The following CEP128 variants were observed in gnomAD, a reference collection of about 807,000 sequenced individuals.
The protein encoded by CEP128 is centrosomal protein 128kDa.
CEP128 carries 132 observed loss-of-function variants against 156.7 expected under a neutral mutation model. That is an observed-to-expected ratio of 0.84 (90% CI 0.73 to 0.97). The LOEUF (loss-of-function observed/expected upper bound fraction) is 0.97, where lower values mean the gene tolerates loss of function less well. Among genes scored for constraint, CEP128 ranks in the 50% least tolerant of loss-of-function variants. The pLI, the probability that CEP128 is intolerant of heterozygous loss-of-function variation, is 0.00. For missense variants in CEP128, 1,252 were observed against 1,281.9 expected (o/e 0.98, Z 0.36); for synonymous variants, 469 against 448.9 (o/e 1.04, Z -0.57).
chr14:80,679,494 C>T (rs1004838628), intron 19 of CEP128, among the ~76,000 whole-genome samples: 1 of 151,990 alleles, frequency 6.6e-6, no homozygotes, highest in African/African-American at 2.4e-5. Context: ...CCTGGTCTCC[C>T]ACAGTACCCT....
At chr14:80,660,219 T>C (rs1566840247) in intron 19 of CEP128, among the ~76,000 whole-genome samples, 1 of 152,210 alleles carries the variant, frequency 6.6e-6, no homozygotes, top group Non-Finnish European at 1.5e-5. Flanking sequence ...TGAAAAGATT[T>C]AAATAACAGG....
intron 19 of CEP128, among the ~76,000 whole-genome samples, chr14:80,677,508 CAAAAAAA>C: frequency 1.1e-5 from 1 of 94,064 alleles, no homozygotes; most frequent in South Asian, 3.7e-4. Context: ...GACTCCGTCT[CAAAAAAA>C]AAAAAAAAAA....
intron 2 of CEP128, among the ~76,000 whole-genome samples, chr14:80,924,733 G>T (rs987897595): frequency 5.9e-5 from 9 of 151,520 alleles, no homozygotes; most frequent in Admixed American, 1.3e-4. Flanking sequence ...GTTTCATGGG[G>T]GTTTTTTTTA....
rs572351162 is a variant in CEP128 at position 80,679,534 on chromosome 14, C to T, written c.2806+63541G>A. 7.9e-5 allele frequency among the ~76,000 whole-genome samples: 12 copies of T among 152,286 alleles called. 1 individual carries two copies. The South Asian group carries it at 2.5e-3, about 32-fold the overall frequency. ...CTTACTAGGGTGGGGAAAAATCCCA[C>T]CCTGGAGAATTTGAGGTCAGACTGG... On this transcript the variant is annotated intron_variant, in intron 19 of 24. Coordinates refer to ENST00000555265, the MANE Select transcript of CEP128 (RefSeq NM_152446.5).
intron 18 of CEP128, among the ~76,000 whole-genome samples, chr14:80,749,896 C>G (rs1015538619): frequency 3.3e-5 from 5 of 151,984 alleles, no homozygotes; most frequent in Non-Finnish European, 7.4e-5. Flanking sequence ...ACAAATTAAA[C>G]AACTTTGGCA....
chr14:80,875,099 G>C (rs2556601), intron 8 of CEP128, among the ~76,000 whole-genome samples: 103,267 of 152,038 alleles, frequency 0.68, 36,052 homozygotes, highest in African/African-American at 0.84. Flanking sequence ...AAAGTTTTTA[G>C]CAGATTCTTA....
At chr14:80,780,454 C>T (rs1901045734) in intron 15 of CEP128, among the ~76,000 whole-genome samples, 1 of 152,078 alleles carries the variant, frequency 6.6e-6, no homozygotes, top group Non-Finnish European at 1.5e-5. Context: ...CAATCTCTGG[C>T]CATTCTTCCA....
At chr14:80,771,613 T>C (rs1178667211) in intron 16 of CEP128, among the ~76,000 whole-genome samples, 1 of 152,208 alleles carries the variant, frequency 6.6e-6, no homozygotes, top group Non-Finnish European at 1.5e-5. Flanking sequence ...CCTGATCTAT[T>C]CAACACAAGT....
chr14:80,797,482 T>C (rs185918494), intron 13 of CEP128, among the ~76,000 whole-genome samples: 11 of 152,318 alleles, frequency 7.2e-5, no homozygotes, highest in African/African-American at 2.4e-4. Flanking sequence ...GTCTGGAAAC[T>C]ATCAGTAGCT....
intron 21 of CEP128, among the ~76,000 whole-genome samples, chr14:80,547,797 A>ATT (rs369896159): frequency 1.3e-4 from 19 of 141,188 alleles, no homozygotes; most frequent in South Asian, 9.0e-4. Context: ...AGGGAGAGGA[A>ATT]TTTTTTTTTT....
At chr14:80,758,035 G>C (rs1211206424) in intron 17 of CEP128, among the ~76,000 whole-genome samples, 2 of 152,024 alleles carry the variant, frequency 1.3e-5, no homozygotes, top group African/African-American at 2.4e-5. Flanking sequence ...ACATCCATTT[G>C]TCATTGATTA....
chr14:80,756,776 A>G, intron 18 of CEP128, 116 bp downstream of exon 18: 7 of 671,450 alleles, frequency 1.0e-5, no homozygotes, highest in Non-Finnish European at 1.8e-5. Flanking sequence ...TTCCCCTGCA[A>G]TTAAGCATTA....
intron 9 of CEP128, among the ~76,000 whole-genome samples, chr14:80,858,419 G>C (rs112036449): frequency 1.7e-5 from 2 of 121,136 alleles, no homozygotes; most frequent in African/African-American, 6.5e-5. Flanking sequence ...AGACTTAAAC[G>C]TTAGACCTAA....
At position 80,529,157 on chromosome 14, in the gene CEP128, G is replaced by A. The variant is rs928509060; in HGVS notation, c.2958+1652C>T. Reference sequence around the variant, plus strand: ...GGTGAAAATAACACCCATCTATAGAGTATCTCTGAAGATTAGGAAACATGT... The same window carrying A: ...GGTGAAAATAACACCCATCTATAGAATATCTCTGAAGATTAGGAAACATGT... On this transcript the variant is annotated intron_variant, in intron 22 of 24. Coordinates refer to ENST00000555265, the MANE Select transcript of CEP128 (RefSeq NM_152446.5). Among the ~76,000 whole-genome samples the A allele has an allele frequency of 4.2e-4, 64 of 152,178 alleles. 1 individual carries two copies. The highest frequency in any genetic ancestry group is 7.3e-5 in the Non-Finnish European group (5 of 68,028).
chr14:80,772,481 T>C (rs1180925284), intron 16 of CEP128, among the ~76,000 whole-genome samples: 4 of 152,142 alleles, frequency 2.6e-5, no homozygotes, highest in African/African-American at 9.7e-5. Flanking sequence ...AATAAAACCG[T>C]GCATTCATCC....
At chr14:80,909,142 C>A (rs927354808) in intron 4 of CEP128, among the ~76,000 whole-genome samples, 2 of 152,044 alleles carry the variant, frequency 1.3e-5, no homozygotes, top group African/African-American at 4.8e-5. Context: ...AAGTTTTTTG[C>A]CAGATTCTGA....
In CEP128 at chr14:80,769,582, G is replaced by A. The variant is rs188118252; in HGVS notation, c.2377-7969C>T. Among the ~76,000 whole-genome samples, 903 of 152,216 alleles carry A rather than the reference G, an allele frequency of 5.9e-3. 9 individuals are homozygous for A. Among genetic ancestry groups the A allele is most frequent in the African/African-American group, 0.02 (837 of 41,526 alleles). Reference sequence around the variant, plus strand: ...TCATCCATGTCCCTACAAAGGACATGAACTCATCCTTTTTTACGGCTGCAT... The same window carrying A: ...TCATCCATGTCCCTACAAAGGACATAAACTCATCCTTTTTTACGGCTGCAT... On this transcript the variant is annotated intron_variant, in intron 16 of 24. Coordinates refer to ENST00000555265, the MANE Select transcript of CEP128 (RefSeq NM_152446.5).
At chr14:80,846,469 T>A (rs1033139748) in intron 9 of CEP128, among the ~76,000 whole-genome samples, 3 of 152,118 alleles carry the variant, frequency 2.0e-5, no homozygotes, top group Non-Finnish European at 4.4e-5. Flanking sequence ...AAAAGTCATA[T>A]GGGCACTAGC....
chr14:80,725,490 CT>C (rs940704156), intron 19 of CEP128, among the ~76,000 whole-genome samples: 13 of 152,140 alleles, frequency 8.5e-5, no homozygotes, highest in Admixed American at 3.9e-4. Context: ...GCCCCCAGTG[CT>C]TTTTCCTGCA....
Sources: allele counts gnomAD v4.1 joint callset (sites outside exome capture counted in the v4.1 genomes callset), GRCh38; gene constraint gnomAD v4.1.1; transcripts MANE v1.5; gene names NCBI Gene and HGNC (gene_info 2026-07-23, HGNC 2026-07-21).